Variants in KDM2B observed in about 807,000 individuals in gnomAD.
KDM2B encodes the protein lysine-specific demethylase 2B.
KDM2B carries 26 observed loss-of-function variants against 150.0 expected under a neutral mutation model. That is an observed-to-expected ratio of 0.17 (90% CI 0.13 to 0.24). KDM2B has a LOEUF of 0.24. Ranked by LOEUF, KDM2B falls within the 10% of genes least tolerant of loss-of-function variation. KDM2B has a pLI of 1.00. For synonymous variants in KDM2B, 734 were observed against 729.5 expected (o/e 1.01, Z -0.10); for missense variants, 1,265 against 1,816.9 (o/e 0.70, Z 5.52).
intron 4 of KDM2B, among the ~76,000 whole-genome samples, chr12:121,558,481 TCTCA>T (rs1455094886): frequency 1.4e-5 from 2 of 138,672 alleles, no homozygotes; most frequent in African/African-American, 5.6e-5. Context: ...TGAGACGGAG[TCTCA>T]CTCTGTTGCC....
intron 8 of KDM2B, among the ~76,000 whole-genome samples, chr12:121,528,280 C>T (rs532293093): frequency 2.6e-4 from 39 of 152,312 alleles, no homozygotes; most frequent in Non-Finnish European, 3.7e-4. Context: ...CCTTGGCAGC[C>T]GGGCGCTATG....
chr12:121,430,750 G>A lies in KDM2B; in HGVS notation c.3830-281C>T, dbSNP rs1188189017. On this transcript the variant is annotated intron_variant, in intron 22 of 22. Coordinates refer to ENST00000377071, the MANE Select transcript of KDM2B (RefSeq NM_032590.5). This position sits in a 1 kb window ranked among gnomAD's most constrained non-coding sequence, Gnocchi z 4.4. ...ACCACACAGCTGCCTCTATACGTGC[G>A]TATGCTCATGTAAGTAGTTCTATGT... The A allele has an allele frequency of 2.5e-5, 14 of 562,132 alleles. No homozygotes were observed. Among genetic ancestry groups the A allele is most frequent in the African/African-American group, 7.5e-5 (4 of 53,544 alleles). 34.8% of individuals were successfully genotyped at this position (562,132 alleles called of 1,614,324 possible).
At chr12:121,579,736 C>G in intron 1 of KDM2B, 1 of 1,466,384 alleles carries the variant, frequency 6.8e-7, no homozygotes, top group Non-Finnish European at 9.1e-7. Flanking sequence ...CTCAGCCCCC[C>G]AGATTCCGGG....
intron 4 of KDM2B, among the ~76,000 whole-genome samples, chr12:121,565,624 A>AT (rs562896898): frequency 0.016 from 2,378 of 148,376 alleles, 41 homozygotes; most frequent in African/African-American, 0.042. Flanking sequence ...GGCCAAGAGG[A>AT]TTTTTTTTTC....
intron 22 of KDM2B, among the ~76,000 whole-genome samples, chr12:121,438,253 CAAAAAA>C (rs35874014): frequency 3.1e-5 from 3 of 97,158 alleles, no homozygotes; most frequent in African/African-American, 9.8e-5. Flanking sequence ...GGCTCCATCT[CAAAAAA>C]AAAAAAAAAA....
At chr12:121,547,643 TC>T (rs1357722655) in intron 6 of KDM2B, among the ~76,000 whole-genome samples, 7 of 129,402 alleles carry the variant, frequency 5.4e-5, no homozygotes, top group African/African-American at 1.9e-4. Flanking sequence ...TCCTTCCCCT[TC>T]CTTTTTTTTT....
At chr12:121,499,715 A>G (rs1374393980) in intron 11 of KDM2B, among the ~76,000 whole-genome samples, 4 of 151,922 alleles carry the variant, frequency 2.6e-5, no homozygotes, top group African/African-American at 9.7e-5. Flanking sequence ...TGAGAGGCCA[A>G]GGTGGACAAA....
At chr12:121,506,805 G>A (rs957698260) in intron 11 of KDM2B, among the ~76,000 whole-genome samples, 2 of 152,056 alleles carry the variant, frequency 1.3e-5, no homozygotes, top group African/African-American at 4.8e-5. Context: ...GTGTGGTGGC[G>A]CATGCCTGTA....
the KDM2B span, chr12:121,420,841 G>C: frequency 7.9e-7 from 1 of 1,264,544 alleles, no homozygotes; most frequent in Non-Finnish European, 1.1e-6. Flanking sequence ...AAACTGGGTT[G>C]TTTTTGTCAC....
At chr12:121,480,583 CAAAA>C (rs35490517) in intron 12 of KDM2B, among the ~76,000 whole-genome samples, 3 of 63,246 alleles carry the variant, frequency 4.7e-5, no homozygotes, top group Admixed American at 2.4e-4. Flanking sequence ...CTGTCGCTAC[CAAAA>C]AAAAAAAAAA....
Position 121,467,234 on chromosome 12 carries a change from G to T in KDM2B, c.1735-13890C>A. 5.9e-6 allele frequency: 6 copies of T among 1,022,524 alleles called. No individual in the cohort carries two copies. Among genetic ancestry groups the T allele is most frequent in the Non-Finnish European group, 7.1e-6 (6 of 848,834 alleles). 63.3% of individuals were successfully genotyped at this position (1,022,524 alleles called of 1,614,324 possible). A position where few individuals can be genotyped will look rare whatever the true frequency, so the allele number is the denominator to read the frequency against. On this transcript the variant is annotated intron_variant, in intron 12 of 22. Coordinates refer to ENST00000377071, the MANE Select transcript of KDM2B (RefSeq NM_032590.5). The surrounding 1 kb of genome is among the most constrained non-coding windows in gnomAD (Gnocchi z 5.1). The stretch of plus-strand genomic sequence containing the variant: ...CATGGCTCATGGTGGGCCCAGGCTC[G>T]CGCGCGCTGACATGGCTGGAGCGGC...
At chr12:121,415,409 C>A in the KDM2B span, 1 of 243,996 alleles carries the variant, frequency 4.1e-6, no homozygotes, top group South Asian at 3.9e-5. Context: ...TCACTTGAGG[C>A]CACGCATCTG....
intron 6 of KDM2B, chr12:121,535,996 G>T: frequency 1.0e-6 from 1 of 958,616 alleles, no homozygotes; most frequent in Non-Finnish European, 1.2e-6. Flanking sequence ...TCCGGAGCCC[G>T]CAACACATGC....
chr12:121,409,216 G>T, the KDM2B span, among the ~76,000 whole-genome samples: 1 of 152,168 alleles, frequency 6.6e-6, no homozygotes, highest in Non-Finnish European at 1.5e-5. Context: ...CTGTCCTCAG[G>T]TGACCTGCTG....
chr12:121,580,636 G>T, intron 1 of KDM2B, 150 bp downstream of exon 1: 5 of 1,283,220 alleles, frequency 3.9e-6, no homozygotes, highest in Non-Finnish European at 5.3e-6. Flanking sequence ...TGGCCTCAGC[G>T]GGAGGCGCGG....
At chr12:121,566,142 C>T (rs1440320550) in intron 4 of KDM2B, among the ~76,000 whole-genome samples, 3 of 152,148 alleles carry the variant, frequency 2.0e-5, no homozygotes, top group Admixed American at 2.0e-4. Flanking sequence ...TTTTCTTAAG[C>T]CAGATACAAA....
chr12:121,558,368 G>A (rs1171272384), intron 4 of KDM2B, among the ~76,000 whole-genome samples: 1 of 152,122 alleles, frequency 6.6e-6, no homozygotes, highest in African/African-American at 2.4e-5. Context: ...GGAATCACCT[G>A]GTAGGTCCTG....
chr12:121,423,370 C>A, the KDM2B span: 1 of 1,590,100 alleles, frequency 6.3e-7, no homozygotes, highest in Non-Finnish European at 8.6e-7. This position sits in a 1 kb window ranked among gnomAD's most constrained non-coding sequence, Gnocchi z 4.3. Context: ...GGCCTTAGCT[C>A]TCTGTTGCCT....
At chr12:121,420,888 C>A in the KDM2B span, 1 of 778,222 alleles carries the variant, frequency 1.3e-6, no homozygotes, top group East Asian at 2.6e-5. Context: ...AGCTGTGTAC[C>A]ATTTTACTGA....
Sources: gnomAD v4.1 joint callset for allele counts (sites outside exome capture counted in the v4.1 genomes callset) on GRCh38, gnomAD v4.1.1 for gene constraint, Gnocchi (gnomAD v3.1) non-coding constraint, MANE v1.5 for transcripts, NCBI Gene and HGNC (gene_info 2026-07-23, HGNC 2026-07-21) for gene names.